MAST4: variants seen among roughly 807,000 people sequenced by gnomAD.
MAST4 encodes the protein microtubule associated serine/threonine kinase family member 4, also known as microtubule-associated serine/threonine-protein kinase 4.
A neutral mutation model predicts 162.7 loss-of-function variants in MAST4; 89 were observed. The observed-to-expected ratio is 0.55, with a 90% CI of 0.46 to 0.65. The LOEUF is 0.65. MAST4 is among the 30% of genes least tolerant of loss of function. The pLI, the probability that MAST4 is intolerant of heterozygous loss-of-function variation, is 0.00. For synonymous variants in MAST4, 1,479 were observed against 1,361.1 expected (o/e 1.09, Z -1.91); for missense variants, 3,153 against 3,374.0 (o/e 0.93, Z 1.62).
intron 4 of MAST4, among the ~76,000 whole-genome samples, chr5:67,027,299 A>T (rs975807522): frequency 6.6e-6 from 1 of 152,208 alleles, no homozygotes; most frequent in Non-Finnish European, 1.5e-5. Context: ...AAGAGTTCAT[A>T]CAGATGTTTT....
At chr5:67,131,474 G>A (rs1478371284) in intron 15 of MAST4, among the ~76,000 whole-genome samples, 1 of 152,110 alleles carries the variant, frequency 6.6e-6, no homozygotes, top group Admixed American at 6.6e-5. Flanking sequence ...CTAGGATTTG[G>A]ACTCAGGTAG....
intron 1 of MAST4, among the ~76,000 whole-genome samples, chr5:66,690,917 G>A (rs570828398): frequency 6.6e-6 from 1 of 152,206 alleles, no homozygotes; most frequent in African/African-American, 2.4e-5. Flanking sequence ...GAAGTAGAAT[G>A]TTGATAGTTG....
intron 18 of MAST4, among the ~76,000 whole-genome samples, 167 bp downstream of exon 18, chr5:67,134,855 AAG>A (rs1469959448): frequency 6.6e-6 from 1 of 152,186 alleles, no homozygotes; most frequent in African/African-American, 2.4e-5. Flanking sequence ...TCTTAATCTC[AAG>A]AGAGCAATTT....
At chr5:66,697,013 A>G (rs553898363) in intron 1 of MAST4, among the ~76,000 whole-genome samples, 1 of 152,342 alleles carries the variant, frequency 6.6e-6, no homozygotes, top group African/African-American at 2.4e-5. Context: ...ATTTCTGCAC[A>G]ATGAAATATG....
At chr5:66,775,380 C>A (rs1488322767) in intron 2 of MAST4, among the ~76,000 whole-genome samples, 1 of 152,100 alleles carries the variant, frequency 6.6e-6, no homozygotes, top group Non-Finnish European at 1.5e-5. Context: ...AAAACTGTTA[C>A]TATAAAACAT....
intron 5 of MAST4, among the ~76,000 whole-genome samples, chr5:67,078,931 T>TATATATATATATAATATATATATATA (rs1561622558): frequency 2.8e-5 from 2 of 71,322 alleles, no homozygotes; most frequent in African/African-American, 1.5e-4. Flanking sequence ...TATATATATA[T>TATATATATATATAATATATATATATA]ATATATATAT....
intron 4 of MAST4, among the ~76,000 whole-genome samples, chr5:66,992,870 CA>C (rs1750208011): frequency 6.6e-6 from 1 of 152,170 alleles, no homozygotes; most frequent in South Asian, 2.1e-4. Context: ...CAGCAGATTG[CA>C]AACCTTGAGC....
chr5:66,653,370 C>T (rs1746348813), intron 1 of MAST4, among the ~76,000 whole-genome samples: 1 of 152,210 alleles, frequency 6.6e-6, no homozygotes, highest in Admixed American at 6.5e-5. Context: ...GACCATTCCA[C>T]CTTTGTTGGT....
At chr5:66,799,911 T>A (rs75427069) in intron 3 of MAST4, among the ~76,000 whole-genome samples, 118 of 152,290 alleles carry the variant, frequency 7.7e-4, no homozygotes, top group African/African-American at 2.6e-3. Context: ...ATAGTACCTA[T>A]CTCATGTCAT....
At chr5:66,958,436 T>C (rs1191771335) in intron 4 of MAST4, among the ~76,000 whole-genome samples, 1 of 152,204 alleles carries the variant, frequency 6.6e-6, no homozygotes, top group Non-Finnish European at 1.5e-5. Context: ...TTCATGTTCT[T>C]TCTTTCCCTC....
At chr5:66,821,070 T>G (rs977778131) in intron 3 of MAST4, among the ~76,000 whole-genome samples, 10 of 152,198 alleles carry the variant, frequency 6.6e-5, no homozygotes, top group Non-Finnish European at 2.9e-5. Context: ...CATAGGCATA[T>G]GCTTGCTACT....
At chr5:66,708,402 A>C (rs1306547432) in intron 1 of MAST4, among the ~76,000 whole-genome samples, 1 of 152,160 alleles carries the variant, frequency 6.6e-6, no homozygotes, top group African/African-American at 2.4e-5. Flanking sequence ...GGTCATGTTG[A>C]ATTTTGTTGT....
At chr5:66,842,983 A>C (rs1758531716) in intron 3 of MAST4, among the ~76,000 whole-genome samples, 1 of 152,180 alleles carries the variant, frequency 6.6e-6, no homozygotes, top group African/African-American at 2.4e-5. Context: ...AGCCTAGACC[A>C]ATCAAAATAA....
chr5:66,841,412 T>A (rs1758415480), intron 3 of MAST4, among the ~76,000 whole-genome samples: 1 of 152,150 alleles, frequency 6.6e-6, no homozygotes, highest in Admixed American at 6.5e-5. Context: ...ACTGTCTTAG[T>A]CAGTTCTGGC....
In MAST4 at chr5:67,118,896, A is replaced by G. The variant is rs1767245024; in HGVS notation, c.1659+147A>G. 8 of 592,138 alleles carry G rather than the reference A, an allele frequency of 1.4e-5. No homozygotes were observed. In the South Asian group the frequency reaches 2.0e-4, roughly 14 times the overall value. 36.7% of individuals were successfully genotyped at this position (592,138 alleles called of 1,614,324 possible). ...AGAATATGGATAAGATCTATGAAGA[A>G]AAAAGACCATGTGCTACCATTACGT... On this transcript the variant is annotated intron_variant, in intron 13 of 28. Transcript: ENST00000403625.
intron 4 of MAST4, among the ~76,000 whole-genome samples, chr5:67,047,013 A>G (rs1247805147): frequency 6.6e-6 from 1 of 152,216 alleles, no homozygotes; most frequent in Non-Finnish European, 1.5e-5. Context: ...TAGTATCAGC[A>G]CTTGCTATTT....
intron 1 of MAST4, among the ~76,000 whole-genome samples, chr5:66,701,652 A>C (rs1306749360): frequency 6.6e-6 from 1 of 152,178 alleles, no homozygotes; most frequent in Non-Finnish European, 1.5e-5. Context: ...TTTTCTGTAA[A>C]CACAACATAA....
At chr5:67,038,203 T>C (rs1004508339) in intron 4 of MAST4, among the ~76,000 whole-genome samples, 26 of 151,898 alleles carry the variant, frequency 1.7e-4, no homozygotes, top group African/African-American at 5.8e-4. Context: ...TAGATGATTT[T>C]ATATGCTGCT....
intron 3 of MAST4, among the ~76,000 whole-genome samples, chr5:66,890,331 T>G (rs1292768087): frequency 6.6e-6 from 1 of 152,184 alleles, no homozygotes; most frequent in Non-Finnish European, 1.5e-5. Flanking sequence ...AGGAGACATA[T>G]TCCTCCTAGG....
Sources: gnomAD v4.1 joint callset for allele counts (sites outside exome capture counted in the v4.1 genomes callset) on GRCh38, gnomAD v4.1.1 for gene constraint, MANE v1.5 for transcripts, NCBI Gene and HGNC (gene_info 2026-07-23, HGNC 2026-07-21) for gene names.